Variants in VWC2L observed in about 807,000 individuals in gnomAD.
The protein encoded by VWC2L is von Willebrand factor C domain-containing protein 2-like.
VWC2L carries 10 observed loss-of-function variants against 21.6 expected under a neutral mutation model. That is an observed-to-expected ratio of 0.46 (90% CI 0.29 to 0.78). The LOEUF is 0.78. Ranked by LOEUF, VWC2L falls within the 30% of genes least tolerant of loss-of-function variation. The pLI, the probability that VWC2L is intolerant of heterozygous loss-of-function variation, is 0.10. For synonymous variants in VWC2L, 96 were observed against 94.3 expected, an observed-to-expected ratio of 1.02 and a Z score of -0.10; for missense variants, 209 against 277.1, an observed-to-expected ratio of 0.75 and a Z score of 1.74.
At chr2:214,537,570 TGAG>T (rs1689555556) in intron 3 of VWC2L, among the ~76,000 whole-genome samples, 3 of 151,462 alleles carry the variant, frequency 2.0e-5, no homozygotes, top group African/African-American at 7.3e-5. Flanking sequence ...ATGAGAGAAA[TGAG>T]GAGATGTTGG....
chr2:214,534,677 G>A (rs1439594924), intron 3 of VWC2L, among the ~76,000 whole-genome samples: 2 of 152,032 alleles, frequency 1.3e-5, no homozygotes, highest in Non-Finnish European at 2.9e-5. Context: ...CCTTAGAAAT[G>A]TCCATCTAGG....
intron 3 of VWC2L, among the ~76,000 whole-genome samples, chr2:214,498,612 G>A (rs4673841): frequency 0.53 from 79,847 of 150,002 alleles, 22,288 homozygotes; most frequent in South Asian, 0.66. Flanking sequence ...TATGTTCCTA[G>A]TATTGAAAAA....
chr2:214,510,081 T>C (rs1307658394), intron 3 of VWC2L: 1 of 152,198 alleles, frequency 6.6e-6, no homozygotes, highest in Non-Finnish European at 1.5e-5. Flanking sequence ...CTGACTCAAT[T>C]TTGATTGCCT....
At chr2:214,539,408 T>C (rs755036881) in intron 3 of VWC2L, among the ~76,000 whole-genome samples, 9 of 152,206 alleles carry the variant, frequency 5.9e-5, no homozygotes, top group Non-Finnish European at 8.8e-5. Context: ...ATTAGTTGAC[T>C]GTCAGTATAG....
chr2:214,493,783 C>G (rs1688775881), intron 3 of VWC2L, among the ~76,000 whole-genome samples: 1 of 152,008 alleles, frequency 6.6e-6, no homozygotes, highest in African/African-American at 2.4e-5. Context: ...CACCCAGACC[C>G]CAGGGACTGA....
intron 3 of VWC2L, among the ~76,000 whole-genome samples, chr2:214,515,126 G>T (rs1484075239): frequency 5.9e-5 from 9 of 152,142 alleles, no homozygotes; most frequent in African/African-American, 2.2e-4. Flanking sequence ...TAAAATTAAA[G>T]GTTAGGATTG....
intron 3 of VWC2L, among the ~76,000 whole-genome samples, chr2:214,530,462 T>G (rs1689415986): frequency 6.6e-6 from 1 of 152,188 alleles, no homozygotes; most frequent in Non-Finnish European, 1.5e-5. Flanking sequence ...TGTTTGCCTG[T>G]GCTCTCATCC....
intron 2 of VWC2L, among the ~76,000 whole-genome samples, chr2:214,422,649 C>G (rs1264935274): frequency 6.6e-6 from 1 of 152,160 alleles, no homozygotes; most frequent in African/African-American, 2.4e-5. Context: ...TGGGTTTTAT[C>G]ATCACTACTG....
At chr2:214,568,787 AGT>A (rs1477326751) in intron 3 of VWC2L, among the ~76,000 whole-genome samples, 1 of 152,102 alleles carries the variant, frequency 6.6e-6, no homozygotes, top group Non-Finnish European at 1.5e-5. Flanking sequence ...TCCTTTAATA[AGT>A]GTATTTTCTG....
chr2:214,505,871 C>G (rs568407391), intron 3 of VWC2L, among the ~76,000 whole-genome samples: 4 of 152,260 alleles, frequency 2.6e-5, no homozygotes, highest in South Asian at 2.1e-4. Flanking sequence ...AAGCTCCAAA[C>G]TAGTCCAATC....
At chr2:214,557,006 T>C (rs981524805) in intron 3 of VWC2L, among the ~76,000 whole-genome samples, 2 of 152,162 alleles carry the variant, frequency 1.3e-5, no homozygotes, top group African/African-American at 4.8e-5. Flanking sequence ...TTCTTACTGT[T>C]CCCTGTTCAC....
intron 3 of VWC2L, among the ~76,000 whole-genome samples, chr2:214,451,133 C>T (rs1702947157): frequency 1.3e-5 from 2 of 151,974 alleles, no homozygotes; most frequent in South Asian, 2.1e-4. Context: ...TTTCTGAACC[C>T]ATTCTAGATT....
chr2:214,515,316 A>G (rs186733801), intron 3 of VWC2L, among the ~76,000 whole-genome samples: 1 of 152,324 alleles, frequency 6.6e-6, no homozygotes. Context: ...TACTAAAGAC[A>G]GACAAGGTTT....
intron 3 of VWC2L, among the ~76,000 whole-genome samples, chr2:214,470,863 G>C (rs1703296007): frequency 7.8e-6 from 1 of 128,882 alleles, no homozygotes; most frequent in Non-Finnish European, 1.5e-5. Flanking sequence ...GTTGCAGTGA[G>C]CCACGATTGT....
At chr2:214,452,666 A>G (rs1376346194) in intron 3 of VWC2L, among the ~76,000 whole-genome samples, 1 of 152,126 alleles carries the variant, frequency 6.6e-6, no homozygotes, top group African/African-American at 2.4e-5. Context: ...TTAATGCCAA[A>G]GTGCCTCAAA....
intron 3 of VWC2L, among the ~76,000 whole-genome samples, chr2:214,507,052 G>A (rs1392262954): frequency 6.6e-6 from 1 of 151,904 alleles, no homozygotes; most frequent in African/African-American, 2.4e-5. Context: ...TAAAACAAAG[G>A]TCAACATGTT....
At chr2:214,551,019 C>T (rs552409316) in intron 3 of VWC2L, among the ~76,000 whole-genome samples, 7 of 152,244 alleles carry the variant, frequency 4.6e-5, no homozygotes, top group Admixed American at 2.6e-4. Flanking sequence ...CCTCTTTGCC[C>T]AGCACTGCAA....
chr2:214,566,069 T>C (rs1037205331), intron 3 of VWC2L, among the ~76,000 whole-genome samples: 2 of 152,208 alleles, frequency 1.3e-5, no homozygotes, highest in African/African-American at 4.8e-5. Context: ...GACAGTGATT[T>C]GAAAATCATT....
rs376746127 is a variant in VWC2L, at chr2:214,424,747, A to G, written c.390+10164A>G. ...TTAAGAAATATTTTTCTAATGATTCAAGATAGGCTAATTCCTTTGACTTTT... is the reference window on the plus strand; with the variant it reads ...TTAAGAAATATTTTTCTAATGATTCGAGATAGGCTAATTCCTTTGACTTTT... On this transcript the variant is annotated intron_variant, in intron 2 of 3. Coordinates refer to ENST00000312504, the MANE Select transcript of VWC2L (RefSeq NM_001080500.4). Among the ~76,000 whole-genome samples, 6 of 152,332 alleles carry G rather than the reference A, an allele frequency of 3.9e-5. No individual in the cohort carries two copies. The East Asian group carries it at 1.2e-3, about 29-fold the overall frequency.
Sources: allele counts gnomAD v4.1 joint callset (sites outside exome capture counted in the v4.1 genomes callset), GRCh38; gene constraint gnomAD v4.1.1; transcripts MANE v1.5; gene names NCBI Gene and HGNC (gene_info 2026-07-23, HGNC 2026-07-21).